ABR: variants seen among roughly 807,000 people sequenced by gnomAD.
ABR encodes ABR activator of RhoGEF and GTPase.
In ABR, 35 loss-of-function variants were observed where a neutral mutation model predicts 107.2. The ratio of observed to expected loss-of-function variants is 0.33; its 90% confidence interval spans 0.25 to 0.43. The LOEUF (loss-of-function observed/expected upper bound fraction) is 0.43. Among genes scored for constraint, ABR ranks in the 20% least tolerant of loss-of-function variants. The pLI is 1.00. For synonymous variants in ABR, 498 were observed against 462.0 expected, an observed-to-expected ratio of 1.08 and a Z score of -1.00; for missense variants, 815 against 1,115.2, an observed-to-expected ratio of 0.73 and a Z score of 3.83.
At chr17:1,056,189 A>G in intron 13 of ABR, 80 bp from the exon 14 acceptor site, 1 of 1,256,550 alleles carries the variant, frequency 8.0e-7, no homozygotes. Flanking sequence ...CGGGAGGCAG[A>G]CGGGGTATGA....
chr17:1,005,148 C>T lies in ABR; in HGVS notation c.*932G>A. The T allele has an allele frequency of 5.1e-6, 2 of 396,026 alleles. No individual in the cohort carries two copies. The allele number at this position is 396,026 out of a possible 1,614,324, so 24.5% of individuals were successfully genotyped here. ...TGGTGTTTCCTCAGCAGCCTGACCG[C>T]CTCCTCCCCCATTCTCTCCTGACCC... On this transcript the variant is annotated 3_prime_UTR_variant, in exon 23 of 23. Coordinates refer to ENST00000302538, the MANE Select transcript of ABR (RefSeq NM_021962.5).
chr17:1,104,721 C>A (rs9905636), intron 2 of ABR, among the ~76,000 whole-genome samples: 3,213 of 152,328 alleles, frequency 0.021, 135 homozygotes, highest in African/African-American at 0.073. Flanking sequence ...CAGCGCTAGG[C>A]GCTGAGGAAG....
chr17:1,186,629 G>A (rs2042304120), intron 1 of ABR, among the ~76,000 whole-genome samples: 1 of 152,154 alleles, frequency 6.6e-6, no homozygotes, highest in Non-Finnish European at 1.5e-5. Context: ...CTTAGATTAT[G>A]CACTCCCCGA....
At chr17:1,080,897 G>A (rs904039542) in intron 5 of ABR, among the ~76,000 whole-genome samples, 2 of 152,124 alleles carry the variant, frequency 1.3e-5, no homozygotes, top group East Asian at 1.9e-4. Flanking sequence ...CTGCAGAGAG[G>A]AGCCTAATTG....
chr17:1,133,512 G>T (rs993845122), intron 1 of ABR, among the ~76,000 whole-genome samples: 1 of 144,170 alleles, frequency 6.9e-6, no homozygotes, highest in African/African-American at 2.9e-5. Flanking sequence ...CTATATGGAT[G>T]ATGAATAGCA....
intron 9 of ABR, among the ~76,000 whole-genome samples, chr17:1,069,655 G>A (rs1300137589): frequency 2.6e-5 from 4 of 152,106 alleles, no homozygotes; most frequent in Admixed American, 2.0e-4. Flanking sequence ...CTGGGCAACA[G>A]AGCAAGACCC....
In ABR at chr17:1,150,525, G is replaced by A. The variant is rs1315157541; in HGVS notation, c.62-25158C>T. Among the ~76,000 whole-genome samples, 2 of 152,164 alleles carry A rather than the reference G, an allele frequency of 1.3e-5. No homozygotes were observed. Among genetic ancestry groups the A allele is most frequent in the South Asian group, 2.1e-4 (1 of 4,828 alleles). ...TGGGCAATACACAGGTTGCCCAAGCGCCGAGAGAGGCCCAGGAGGACGGGC... is the reference window on the plus strand; with the variant it reads ...TGGGCAATACACAGGTTGCCCAAGCACCGAGAGAGGCCCAGGAGGACGGGC... On this transcript the variant is annotated intron_variant, in intron 1 of 22. Coordinates refer to ENST00000302538, the MANE Select transcript of ABR (RefSeq NM_021962.5). The surrounding 1 kb of genome is among the most constrained non-coding windows in gnomAD (Gnocchi z 4.8).
In ABR at chr17:1,148,318, G is replaced by A. The variant is rs887492036; in HGVS notation, c.62-22951C>T. 6.6e-6 allele frequency among the ~76,000 whole-genome samples: 1 copy of A among 152,208 alleles called. No homozygotes were observed. Among genetic ancestry groups the A allele is most frequent in the South Asian group, 2.1e-4 (1 of 4,830 alleles). ...ATGAACCTTGGGGGCATTAGGCTAC[G>A]TGAAAGAAGCTGGTCACAGAAAGGC... On this transcript the variant is annotated intron_variant, in intron 1 of 22. Coordinates refer to ENST00000302538, the MANE Select transcript of ABR (RefSeq NM_021962.5). This position sits in a 1 kb window ranked among gnomAD's most constrained non-coding sequence, Gnocchi z 4.9.
At chr17:1,129,355 T>C (rs908758025) in intron 1 of ABR, among the ~76,000 whole-genome samples, 2 of 83,142 alleles carry the variant, frequency 2.4e-5, no homozygotes, top group African/African-American at 7.2e-5. Flanking sequence ...CTGGCCAATA[T>C]GGTGAAGCCA....
chr17:1,110,907 C>T (rs1321578390), intron 2 of ABR, among the ~76,000 whole-genome samples: 3 of 152,228 alleles, frequency 2.0e-5, no homozygotes, highest in African/African-American at 7.2e-5. Context: ...CAGGGCGCAT[C>T]TGAAGGGCCC....
intron 10 of ABR, among the ~76,000 whole-genome samples, chr17:1,062,047 G>A (rs565838994): frequency 4.6e-5 from 7 of 152,174 alleles, no homozygotes; most frequent in African/African-American, 7.2e-5. Flanking sequence ...TGTGGTGGGC[G>A]TGGGTGTCAG....
chr17:1,097,535 G>A (rs909502099), intron 3 of ABR, among the ~76,000 whole-genome samples: 1 of 146,106 alleles, frequency 6.8e-6, no homozygotes, highest in African/African-American at 2.5e-5. Flanking sequence ...AGGTTATAAT[G>A]AGCCGAGATT....
intron 1 of ABR, among the ~76,000 whole-genome samples, chr17:1,196,916 A>G (rs4405607): frequency 0.96 from 145,141 of 151,356 alleles, 69,934 homozygotes; most frequent in East Asian, 1. Flanking sequence ...GGATGGTCTC[A>G]ATCTCCTGAC....
At position 1,013,131 on chromosome 17, in the gene ABR, G is replaced by A. The variant is rs368841815; in HGVS notation, c.1825C>T (p.His609Tyr). Residue 609 changes from histidine (H) to tyrosine (Y), a missense_variant, in exon 17 of 23, where the codon CAC becomes TAC. His to Tyr is a moderately conservative substitution (Grantham distance 83). Around this residue, in one of 5 missense-constraint regions of ABR, gnomAD observed 92 missense variants for 82.3 expected, o/e 1.12. Transcript: ENST00000302538. Reference protein sequence around the residue: ...DPQTVETKNWHTDVIEMNGIK... With the variant: ...DPQTVETKNWYTDVIEMNGIK... ...CCGTTCATCTCAATCACGTCCGTGT[G>A]CCAGTTCTTGGTCTCCACGGTTTGT... The A allele has an allele frequency of 9.9e-6, 16 of 1,614,062 alleles. No individual in the cohort carries two copies. The highest frequency in any genetic ancestry group is 1.3e-5 in the Non-Finnish European group (15 of 1,180,026).
chr17:1,156,182 G>A (rs1386067626), intron 1 of ABR: 2 of 152,242 alleles, frequency 1.3e-5, no homozygotes, highest in African/African-American at 4.8e-5. Context: ...GTATCTAAGG[G>A]GCACATGCTG....
At chr17:1,207,707 C>T (rs1005525788) in intron 1 of ABR, among the ~76,000 whole-genome samples, 5 of 151,588 alleles carry the variant, frequency 3.3e-5, no homozygotes, top group African/African-American at 1.2e-4. Context: ...AATCACAGAC[C>T]TTATGACTTT....
At chr17:1,012,627 C>A in intron 18 of ABR, 61 bp downstream of exon 18, 1 of 1,325,680 alleles carries the variant, frequency 7.5e-7, no homozygotes, top group African/African-American at 1.5e-5. Context: ...GCTGGGGGGC[C>A]CGGGCTGGGG....
At chr17:1,184,638 A>C (rs1295609358), upstream of ABR, among the ~76,000 whole-genome samples, 3 of 149,568 alleles carry the variant, frequency 2.0e-5, no homozygotes, top group Admixed American at 1.3e-4. Flanking sequence ...GAACAAATAA[A>C]ATTAATGACA....
chr17:1,123,917 C>T (rs533318246), intron 2 of ABR, among the ~76,000 whole-genome samples: 10 of 152,324 alleles, frequency 6.6e-5, no homozygotes, highest in South Asian at 6.2e-4. Flanking sequence ...ACCCGCCTCC[C>T]GTCTTAGGGC....
Sources: gnomAD v4.1 joint callset for allele counts (sites outside exome capture counted in the v4.1 genomes callset) on GRCh38, gnomAD v4.1.1 for gene constraint, gnomAD v4.1.1 regional missense constraint, Gnocchi (gnomAD v3.1) non-coding constraint, MANE v1.5 for transcripts, NCBI Gene and HGNC (gene_info 2026-07-23, HGNC 2026-07-21) for gene names.